The following RASA1 variants were observed in gnomAD, a reference collection of about 807,000 sequenced individuals.
The protein encoded by RASA1 is ras GTPase-activating protein 1.
RASA1 carries 25 observed loss-of-function variants against 132.2 expected under a neutral mutation model. That is an observed-to-expected ratio of 0.19 (90% CI 0.14 to 0.26). The LOEUF (loss-of-function observed/expected upper bound fraction) is 0.26, where lower values mean the gene tolerates loss of function less well. Ranked by LOEUF, RASA1 falls within the 10% of genes least tolerant of loss-of-function variation. The pLI is 1.00. For synonymous variants in RASA1, 477 were observed against 449.9 expected (o/e 1.06, Z -0.76); for missense variants, 964 against 1,299.2 (o/e 0.74, Z 3.97).
chr5:87,331,159 C>A, intron 1 of RASA1, 189 bp from the exon 2 acceptor site: 1 of 882,144 alleles, frequency 1.1e-6, no homozygotes. Context: ...AATTAAAGAC[C>A]AAGTAAATGA....
At chr5:87,335,003 C>T (rs1339279008) in intron 4 of RASA1, among the ~76,000 whole-genome samples, 1 of 152,078 alleles carries the variant, frequency 6.6e-6, no homozygotes, top group Non-Finnish European at 1.5e-5. Flanking sequence ...TTGCCTCGGT[C>T]TTCTGAGCAG....
intron 11 of RASA1, 116 bp from the exon 12 acceptor site, chr5:87,369,697 T>G: frequency 1.3e-6 from 1 of 748,010 alleles, no homozygotes; most frequent in Non-Finnish European, 2.2e-6. Flanking sequence ...GGAGTATTAT[T>G]TCTTTAAGAA....
At chr5:87,283,538 T>G (rs1179448154) in intron 1 of RASA1, among the ~76,000 whole-genome samples, 4 of 152,084 alleles carry the variant, frequency 2.6e-5, no homozygotes, top group African/African-American at 7.2e-5. Flanking sequence ...AACCAATCCT[T>G]ACTTTTACTA....
At chr5:87,287,273 A>C (rs1754650780) in intron 1 of RASA1, among the ~76,000 whole-genome samples, 1 of 147,282 alleles carries the variant, frequency 6.8e-6, no homozygotes, top group African/African-American at 2.5e-5. Context: ...TATACACCGT[A>C]TATATACACA....
intron 8 of RASA1, among the ~76,000 whole-genome samples, chr5:87,350,227 A>G (rs951536670): frequency 2.0e-5 from 3 of 151,858 alleles, no homozygotes; most frequent in South Asian, 2.1e-4. Context: ...GTTAAAAGAC[A>G]TCAAATGTAA....
Position 87,350,050 on chromosome 5 carries a change from T to TA in RASA1, c.1253+687dup, listed in dbSNP as rs1759145487. On this transcript the variant is annotated intron_variant, in intron 8 of 24. Transcript: ENST00000274376. Reference sequence around the variant, plus strand: ...GCATAATCTTGTTCTAAAATGCTTATATTTGCCTAGTTTAACCCCTCAGTA... The same window carrying TA: ...GCATAATCTTGTTCTAAAATGCTTATAATTTGCCTAGTTTAACCCCTCAGTA... Among the ~76,000 whole-genome samples, 3 of 151,948 alleles carry TA rather than the reference T, an allele frequency of 2.0e-5. No homozygotes were observed. The South Asian group carries it at 6.2e-4, about 31-fold the overall frequency.
chr5:87,329,117 C>T (rs1757433497), intron 1 of RASA1, among the ~76,000 whole-genome samples: 1 of 152,002 alleles, frequency 6.6e-6, no homozygotes, highest in Non-Finnish European at 1.5e-5. Flanking sequence ...ACTGACTTAT[C>T]CATTTTAATG....
At chr5:87,379,675 CTA>C (rs1185384597) in intron 18 of RASA1, 58 bp from the exon 19 acceptor site, 4 of 1,590,064 alleles carry the variant, frequency 2.5e-6, no homozygotes, top group Non-Finnish European at 3.4e-6. Flanking sequence ...TTGTTTTCCT[CTA>C]TTCATTTGCA....
chr5:87,375,436 T>A (rs532199376), intron 15 of RASA1, among the ~76,000 whole-genome samples: 8 of 152,264 alleles, frequency 5.3e-5, no homozygotes, highest in African/African-American at 1.4e-4. Context: ...AAGTTTTGTA[T>A]TTTTAGTAGA....
chr5:87,274,296 T>C (rs1753975507), intron 1 of RASA1, among the ~76,000 whole-genome samples: 1 of 152,188 alleles, frequency 6.6e-6, no homozygotes, highest in Non-Finnish European at 1.5e-5. Flanking sequence ...AGTACCTTTC[T>C]TTTTTAAAAA....
At chr5:87,292,897 G>A (rs2112270501) in intron 1 of RASA1, among the ~76,000 whole-genome samples, 1 of 151,838 alleles carries the variant, frequency 6.6e-6, no homozygotes, top group Non-Finnish European at 1.5e-5. Context: ...TCATTTTTTG[G>A]TTGCTAATGT....
At chr5:87,288,425 A>G (rs541358801) in intron 1 of RASA1, among the ~76,000 whole-genome samples, 4 of 152,278 alleles carry the variant, frequency 2.6e-5, no homozygotes, top group South Asian at 4.1e-4. Flanking sequence ...GAATTAAACC[A>G]CACGAAATCA....
At position 87,376,949 on chromosome 5, in the gene RASA1, A is replaced by G. The variant is rs761307230; in HGVS notation, c.2253A>G (p.Leu751=). 1 of 1,608,352 alleles carries G rather than the reference A, an allele frequency of 6.2e-7. No individual in the cohort carries two copies. Among genetic ancestry groups the G allele is most frequent in the Non-Finnish European group, 8.5e-7 (1 of 1,174,862 alleles). Residue 751 remains leucine (L), a synonymous_variant, in exon 17 of 25, where the codon CTA becomes CTG. Transcript: ENST00000274376. ...ATGTATGTGGACAAGACCGAACACTACTGGCCAGCATCCTACTGAGGATTT... is the reference window on the plus strand; with the variant it reads ...ATGTATGTGGACAAGACCGAACACTGCTGGCCAGCATCCTACTGAGGATTT... ...LSHVCGQDRT[L]LASILLRIFL...
At chr5:87,280,467 C>G (rs1754266402) in intron 1 of RASA1, among the ~76,000 whole-genome samples, 1 of 152,110 alleles carries the variant, frequency 6.6e-6, no homozygotes, top group Non-Finnish European at 1.5e-5. Context: ...CACCTGCCAC[C>G]ACGCCTGGCT....
intron 1 of RASA1, among the ~76,000 whole-genome samples, chr5:87,276,538 A>G (rs574965185): frequency 1.1e-4 from 17 of 152,170 alleles, no homozygotes; most frequent in Non-Finnish European, 2.1e-4. Context: ...GAAATATACA[A>G]TTCTACAGTC....
At chr5:87,319,504 T>C (rs1756616358) in intron 1 of RASA1, among the ~76,000 whole-genome samples, 3 of 152,228 alleles carry the variant, frequency 2.0e-5, no homozygotes, top group African/African-American at 4.8e-5. Flanking sequence ...CCATGTGGAA[T>C]CCACCAAGGC....
rs139823879 is a variant in RASA1 at position 87,322,646 on chromosome 5, A to G, written c.540-8702A>G. Among the ~76,000 whole-genome samples the G allele has an allele frequency of 4.2e-3, 642 of 152,226 alleles. 3 individuals carry two copies. The highest frequency in any genetic ancestry group is 6.2e-3 in the Non-Finnish European group (419 of 68,018). On this transcript the variant is annotated intron_variant, in intron 1 of 24. Coordinates refer to ENST00000274376, the MANE Select transcript of RASA1 (RefSeq NM_002890.3). ...CTCACTGAAAGCAGATTCCAGCACC[A>G]TGCTTCCTCTATAGTCCTGCAGAAC... is the stretch of plus-strand genomic sequence containing the variant.
chr5:87,283,148 G>GTTTTTTTTTTTT (rs200461511), intron 1 of RASA1, among the ~76,000 whole-genome samples: 1 of 103,256 alleles, frequency 9.7e-6, no homozygotes, highest in Non-Finnish European at 2.1e-5. Flanking sequence ...TTTTTTTTGT[G>GTTTTTTTTTTTT]TTTTTTTTTT....
intron 12 of RASA1, among the ~76,000 whole-genome samples, chr5:87,371,245 T>A (rs1191448589): frequency 6.6e-6 from 1 of 152,100 alleles, no homozygotes; most frequent in Non-Finnish European, 1.5e-5. Flanking sequence ...TTTTGTTGAT[T>A]TATTGGGCTG....
Sources: allele counts gnomAD v4.1 joint callset (sites outside exome capture counted in the v4.1 genomes callset), GRCh38; gene constraint gnomAD v4.1.1; transcripts MANE v1.5; gene names NCBI Gene and HGNC (gene_info 2026-07-23, HGNC 2026-07-21).